SAE1: variants seen among roughly 807,000 people sequenced by gnomAD.
SAE1 encodes SUMO-activating enzyme subunit 1.
Under a neutral mutation model 40.6 loss-of-function variants are expected in SAE1, and 11 were observed. The observed-to-expected ratio is 0.27, with a 90% CI of 0.17 to 0.45. The LOEUF is 0.45. Ranked by LOEUF, SAE1 falls within the 20% of genes least tolerant of loss-of-function variation. SAE1 has a pLI of 1.00. For missense variants in SAE1, 373 were observed against 427.3 expected, an observed-to-expected ratio of 0.87 and a Z score of 1.12; for synonymous variants, 155 against 154.3, an observed-to-expected ratio of 1.00 and a Z score of -0.03.
At chr19:47,201,360 C>CTTTTTTTTTTTTTTTTTTTTTTTT (rs57568797) in intron 7 of SAE1, among the ~76,000 whole-genome samples, 4 of 66,230 alleles carry the variant, frequency 6.0e-5, no homozygotes, top group African/African-American at 2.0e-4. Context: ...TATCTGGTTC[C>CTTTTTTTTTTTTTTTTTTTTTTTT]TTTTTTTTTT....
At chr19:47,171,316 C>T (rs553052778) in intron 6 of SAE1, among the ~76,000 whole-genome samples, 21 of 147,760 alleles carry the variant, frequency 1.4e-4, no homozygotes, top group South Asian at 6.5e-4. Flanking sequence ...TTTTTGGAGA[C>T]GGAGTCTAGC....
intron 3 of SAE1, among the ~76,000 whole-genome samples, chr19:47,151,690 GT>G (rs1369526487): frequency 6.6e-5 from 10 of 152,074 alleles, no homozygotes; most frequent in African/African-American, 2.4e-4. Flanking sequence ...CTTTTTCCTA[GT>G]CCCTTCTATT....
At chr19:47,143,739 T>G (rs376744881) in intron 2 of SAE1, 134 bp downstream of exon 2, 1 of 659,130 alleles carries the variant, frequency 1.5e-6, no homozygotes, top group East Asian at 2.7e-5. Flanking sequence ...CCATTGCCTC[T>G]GGAGACTGAA....
intron 6 of SAE1, among the ~76,000 whole-genome samples, chr19:47,196,971 A>G (rs1053762541): frequency 1.3e-5 from 2 of 152,006 alleles, no homozygotes; most frequent in African/African-American, 2.4e-5. Context: ...TCACGAGGTC[A>G]GGAGTTTGAG....
intron 5 of SAE1, among the ~76,000 whole-genome samples, chr19:47,167,274 ATT>A (rs762932610): frequency 5.1e-5 from 6 of 117,320 alleles, no homozygotes; most frequent in Admixed American, 1.8e-4. Flanking sequence ...TAATTTTTGT[ATT>A]TTTTTTTTTT....
intron 2 of SAE1, among the ~76,000 whole-genome samples, chr19:47,148,329 T>C (rs1376962071): frequency 6.6e-6 from 1 of 151,998 alleles, no homozygotes; most frequent in Non-Finnish European, 1.5e-5. Flanking sequence ...GGTAGTAAGA[T>C]AGAGAGTGTG....
chr19:47,171,587 G>T (rs1387102614), intron 6 of SAE1, among the ~76,000 whole-genome samples: 1 of 152,110 alleles, frequency 6.6e-6, no homozygotes, highest in East Asian at 1.9e-4. Context: ...GAGTAGCTGG[G>T]ATCACAGGCA....
chr19:47,171,512 C>T lies in SAE1; in HGVS notation c.733+1589C>T, dbSNP rs544023224. Among the ~76,000 whole-genome samples the T allele has an allele frequency of 3.3e-5, 5 of 151,828 alleles. No individual in the cohort carries two copies. The East Asian group carries it at 5.9e-4, about 18-fold the overall frequency. ...ACTCTGTTGCCCAGGAGAGCAGTGG[C>T]GTGATCTTGGCTCACTGCAACCTCC... On this transcript the variant is annotated intron_variant, in intron 6 of 8. Coordinates refer to ENST00000270225, the MANE Select transcript of SAE1 (RefSeq NM_005500.3).
intron 5 of SAE1, among the ~76,000 whole-genome samples, chr19:47,164,330 G>A (rs966820980): frequency 2.6e-5 from 4 of 151,538 alleles, no homozygotes; most frequent in South Asian, 4.2e-4. Flanking sequence ...CACCACACCC[G>A]GCTAATTTTT....
intron 1 of SAE1, among the ~76,000 whole-genome samples, chr19:47,139,994 A>G (rs1304874825): frequency 2.1e-5 from 3 of 140,040 alleles, no homozygotes; most frequent in East Asian, 2.2e-4. Flanking sequence ...CTGAAGTGCA[A>G]TGGTGCGGTC....
chr19:47,177,196 G>A (rs2058474649), intron 6 of SAE1, among the ~76,000 whole-genome samples: 1 of 152,186 alleles, frequency 6.6e-6, no homozygotes, highest in African/African-American at 2.4e-5. Context: ...CATTTTGTGA[G>A]CACCTGCTAT....
intron 7 of SAE1, among the ~76,000 whole-genome samples, chr19:47,200,295 A>G (rs2058645139): frequency 6.8e-6 from 1 of 147,290 alleles, no homozygotes; most frequent in Non-Finnish European, 1.5e-5. Context: ...GTGCAGTGGC[A>G]CATCATAGCT....
chr19:47,131,759 G>T (rs309187), intron 1 of SAE1, among the ~76,000 whole-genome samples: 8,956 of 144,168 alleles, frequency 0.062, 880 homozygotes, highest in African/African-American at 0.22. Flanking sequence ...GGAGGGCAGT[G>T]GCGCGATCTC....
intron 5 of SAE1, among the ~76,000 whole-genome samples, chr19:47,160,225 T>A (rs977792530): frequency 4.4e-5 from 6 of 135,060 alleles, no homozygotes; most frequent in Admixed American, 1.5e-4. Flanking sequence ...TTTTTTTTTT[T>A]TTTTTTTTTT....
chr19:47,138,687 T>C (rs1470338486), intron 1 of SAE1, among the ~76,000 whole-genome samples: 1 of 152,064 alleles, frequency 6.6e-6, no homozygotes, highest in East Asian at 1.9e-4. Flanking sequence ...AGTAAACATA[T>C]AAACAAGTAG....
chr19:47,181,444 TTTTTG>T (rs1354709089), intron 6 of SAE1, among the ~76,000 whole-genome samples: 44 of 151,578 alleles, frequency 2.9e-4, no homozygotes, highest in Middle Eastern at 3.2e-3. Flanking sequence ...AAGAGAATGG[TTTTTG>T]TTTTGTTTTT....
chr19:47,166,642 G>T (rs1217610935), intron 5 of SAE1, among the ~76,000 whole-genome samples: 1 of 152,096 alleles, frequency 6.6e-6, no homozygotes, highest in African/African-American at 2.4e-5. Flanking sequence ...CAAAGACTCC[G>T]AATTGAGCTC....
intron 5 of SAE1, among the ~76,000 whole-genome samples, chr19:47,167,072 T>C (rs2058398183): frequency 6.6e-6 from 1 of 151,998 alleles, no homozygotes. Flanking sequence ...CTCCCTCAGC[T>C]TCCTGAGCAG....
chr19:47,141,409 TG>T (rs2058221316), intron 1 of SAE1, among the ~76,000 whole-genome samples: 1 of 152,138 alleles, frequency 6.6e-6, no homozygotes, highest in Non-Finnish European at 1.5e-5. Flanking sequence ...CCCAAAGTGC[TG>T]GGATTACAGG....
Sources: allele counts gnomAD v4.1 joint callset (sites outside exome capture counted in the v4.1 genomes callset), GRCh38; gene constraint gnomAD v4.1.1; transcripts MANE v1.5; gene names NCBI Gene and HGNC (gene_info 2026-07-23, HGNC 2026-07-21).